MYH15: variants seen among roughly 807,000 people sequenced by gnomAD.
MYH15 encodes the protein myosin-15.
A neutral mutation model predicts 240.5 loss-of-function variants in MYH15; 227 were observed. That is an observed-to-expected ratio of 0.94 (90% CI 0.85 to 1.05). The LOEUF is 1.05. Ranked by LOEUF, MYH15 falls within the 50% of genes least tolerant of loss-of-function variation. The pLI is 0.00. For missense variants in MYH15, 2,217 were observed against 2,247.5 expected (o/e 0.99, Z 0.27); for synonymous variants, 785 against 796.7 (o/e 0.99, Z 0.25).
At chr3:108,512,013 A>G (rs146341112), upstream of MYH15, among the ~76,000 whole-genome samples, 44 of 152,250 alleles carry the variant, frequency 2.9e-4, 1 homozygote, top group East Asian at 8.3e-3. Flanking sequence ...CATTTTCCTC[A>G]CCTATGTAAT....
intron 39 of MYH15, 124 bp downstream of exon 39, chr3:108,384,563 G>A: frequency 5.0e-6 from 4 of 794,360 alleles, no homozygotes; most frequent in Non-Finnish European, 7.9e-6. Context: ...AACTGAGGAT[G>A]AGCAGACTCT....
At chr3:108,417,545 T>C (rs573881028) in intron 28 of MYH15, among the ~76,000 whole-genome samples, 139 of 152,324 alleles carry the variant, frequency 9.1e-4, no homozygotes, top group African/African-American at 3.2e-3. Flanking sequence ...TAGACTGAAA[T>C]GCTAAATAAA....
At chr3:108,463,316 T>A in intron 15 of MYH15, 73 bp from the exon 16 acceptor site, 1 of 1,480,022 alleles carries the variant, frequency 6.8e-7, no homozygotes, top group African/African-American at 1.4e-5. Flanking sequence ...GGCTGTGCAT[T>A]ACCCCTTTTT....
intron 6 of MYH15, among the ~76,000 whole-genome samples, chr3:108,496,920 T>G (rs2083395560): frequency 6.6e-6 from 1 of 151,606 alleles, no homozygotes; most frequent in Non-Finnish European, 1.5e-5. Context: ...CCCAGCACTT[T>G]GGAGGCCTAC....
In MYH15 at chr3:108,391,786, T is replaced by C; in HGVS notation, c.5404A>G (p.Lys1802Glu). ...AEQMALMGSR[K>E]QIQKLESRVR... ...CTGGATTCTAGTTTCTGGATTTGCT[T>C]TCTACTCCCCATCAGGGCCATCTGT... is the stretch of plus-strand genomic sequence containing the variant. Residue 1802 changes from lysine (K) to glutamate (E), a missense_variant, in exon 37 of 41, where the codon AAG (lysine) becomes GAG (glutamate). Physicochemically the swap from Lys to Glu is moderately conservative, Grantham distance 56 (BLOSUM62 1). Coordinates refer to ENST00000693548, the MANE Select transcript of MYH15 (RefSeq NM_014981.3). The C allele has an allele frequency of 6.2e-7, 1 of 1,614,010 alleles. No homozygotes were observed. The highest frequency in any genetic ancestry group is 8.5e-7 in the Non-Finnish European group (1 of 1,179,952).
At chr3:108,384,559 G>A in intron 39 of MYH15, 128 bp downstream of exon 39, 1 of 769,388 alleles carries the variant, frequency 1.3e-6, no homozygotes, top group Non-Finnish European at 2.0e-6. Flanking sequence ...AAAAAACTGA[G>A]GATGAGCAGA....
rs1331326244 is a variant in MYH15 at position 108,501,804 on chromosome 3, C to G, written c.247G>C (p.Glu83Gln). ...AGCATTGCCATGTCTTCAATCATTT[C>G]AAACTCTGGAGGATTCATCTGCTGG... ...KIQQMNPPEF[E>Q]MIEDMAMLTH... is the part of the protein sequence containing the mutation. The change falls in exon 3 of 41, where the codon GAA (glutamate) becomes CAA (glutamine). Residue 83 changes from glutamate to glutamine, a missense_variant. Transcript: ENST00000693548. 1.2e-6 allele frequency: 2 copies of G among 1,614,124 alleles called. No individual in the cohort carries two copies. The highest frequency in any genetic ancestry group is 2.2e-5 in the South Asian group (2 of 91,066).
At chr3:108,450,934 T>C (rs1410944861) in intron 21 of MYH15, among the ~76,000 whole-genome samples, 2 of 152,058 alleles carry the variant, frequency 1.3e-5, no homozygotes, top group Non-Finnish European at 2.9e-5. Context: ...AAAGTTTAAG[T>C]GATTTATTAA....
At chr3:108,471,523 T>G (rs146715932) in intron 12 of MYH15, among the ~76,000 whole-genome samples, 1 of 152,206 alleles carries the variant, frequency 6.6e-6, no homozygotes, top group East Asian at 1.9e-4. Flanking sequence ...GGAAGAAGTC[T>G]GCTGAATCAC....
intron 1 of MYH15, among the ~76,000 whole-genome samples, chr3:108,522,562 T>A (rs2083628698): frequency 6.6e-6 from 1 of 152,062 alleles, no homozygotes; most frequent in African/African-American, 2.4e-5. Flanking sequence ...AAAATTAAAG[T>A]AACTATGCCC....
At chr3:108,541,790 AAAT>A in the MYH15 span, among the ~76,000 whole-genome samples, 3 of 152,182 alleles carry the variant, frequency 2.0e-5, no homozygotes, top group Admixed American at 6.5e-5. Context: ...TTGATCAATG[AAAT>A]ATTATGAAAC....
chr3:108,516,663 G>A (rs188645314), intron 1 of MYH15, among the ~76,000 whole-genome samples: 1 of 152,202 alleles, frequency 6.6e-6, no homozygotes, highest in Non-Finnish European at 1.5e-5. Flanking sequence ...AATCTTAAGT[G>A]GTTAGTCTTT....
intron 27 of MYH15, among the ~76,000 whole-genome samples, chr3:108,425,788 G>A (rs2082720514): frequency 6.6e-6 from 1 of 152,340 alleles, no homozygotes; most frequent in Middle Eastern, 3.4e-3. Context: ...CTCACAAGAA[G>A]AGGAGAGCTG....
chr3:108,407,563 A>G (rs1411359338), intron 32 of MYH15, among the ~76,000 whole-genome samples: 2 of 152,212 alleles, frequency 1.3e-5, no homozygotes, highest in Non-Finnish European at 2.9e-5. Context: ...CCAGAGATAC[A>G]GCCAGAGACT....
At chr3:108,474,000 G>A (rs886955204) in intron 12 of MYH15, among the ~76,000 whole-genome samples, 1 of 152,244 alleles carries the variant, frequency 6.6e-6, no homozygotes, top group Non-Finnish European at 1.5e-5. Context: ...TTACCATTGA[G>A]AAATACAAAG....
At chr3:108,501,610 T>G (rs2083438608) in intron 3 of MYH15, 102 bp downstream of exon 3, 2 of 1,438,030 alleles carry the variant, frequency 1.4e-6, no homozygotes, top group Admixed American at 1.8e-5. Context: ...ACTATCCCTG[T>G]GCGAGCATGC....
intron 25 of MYH15, among the ~76,000 whole-genome samples, chr3:108,434,866 T>C (rs1237493093): frequency 3.3e-5 from 5 of 152,222 alleles, no homozygotes; most frequent in Non-Finnish European, 7.3e-5. Flanking sequence ...GATCATTGCT[T>C]CTCTACATTT....
intron 33 of MYH15, among the ~76,000 whole-genome samples, chr3:108,402,518 T>A (rs2082513553): frequency 6.6e-6 from 1 of 152,222 alleles, no homozygotes; most frequent in Admixed American, 6.5e-5. Flanking sequence ...AGTTGCCACA[T>A]CTCTGTGGCA....
chr3:108,446,156 G>A (rs140208087), intron 21 of MYH15, among the ~76,000 whole-genome samples: 400 of 152,216 alleles, frequency 2.6e-3, no homozygotes, highest in Middle Eastern at 6.8e-3. Flanking sequence ...CATGAACCCA[G>A]TCAACAAGGG....
Sources: gnomAD v4.1 joint callset for allele counts (sites outside exome capture counted in the v4.1 genomes callset) on GRCh38, gnomAD v4.1.1 for gene constraint, MANE v1.5 for transcripts, NCBI Gene and HGNC (gene_info 2026-07-23, HGNC 2026-07-21) for gene names.